Variants in SLC36A1 observed in about 807,000 individuals in gnomAD.
SLC36A1 encodes the protein solute carrier family 36 member 1, also known as proton-coupled amino acid transporter 1.
Under a neutral mutation model 47.5 loss-of-function variants are expected in SLC36A1, and 30 were observed. That is an observed-to-expected ratio of 0.63 (90% CI 0.47 to 0.86). The LOEUF is 0.86. SLC36A1 is among the 40% of genes least tolerant of loss of function. The pLI, the probability that SLC36A1 is intolerant of heterozygous loss-of-function variation, is 0.00. For synonymous variants in SLC36A1, 255 were observed against 249.7 expected (o/e 1.02, Z -0.20); for missense variants, 517 against 606.0 (o/e 0.85, Z 1.54).
the SLC36A1 span, chr5:151,419,774 A>G: frequency 6.6e-6 from 1 of 152,226 alleles, no homozygotes; most frequent in Non-Finnish European, 1.5e-5. Context: ...TGAAAGTATT[A>G]AAATTAATTA....
chr5:151,396,534 G>A, the SLC36A1 span, among the ~76,000 whole-genome samples: 5 of 152,066 alleles, frequency 3.3e-5, no homozygotes, highest in Non-Finnish European at 7.3e-5. Context: ...TAGGGCCATT[G>A]ACTTACAGTA....
chr5:151,435,729 A>G (rs1333920685), upstream of SLC36A1, among the ~76,000 whole-genome samples: 1 of 152,020 alleles, frequency 6.6e-6, no homozygotes, highest in East Asian at 1.9e-4. Flanking sequence ...ACAAAATAAA[A>G]TAAGGGAAAA....
chr5:151,401,633 CTT>C, the SLC36A1 span, among the ~76,000 whole-genome samples: 1 of 151,704 alleles, frequency 6.6e-6, no homozygotes, highest in African/African-American at 2.4e-5. Context: ...CATCTTGACT[CTT>C]TAAATCTGTG....
the SLC36A1 span, among the ~76,000 whole-genome samples, chr5:151,426,797 C>A: frequency 6.6e-6 from 1 of 152,178 alleles, no homozygotes; most frequent in African/African-American, 2.4e-5. Flanking sequence ...TGGGGAGAAA[C>A]CTTGGACCAT....
the SLC36A1 span, among the ~76,000 whole-genome samples, chr5:151,382,646 G>C: frequency 6.6e-6 from 1 of 152,174 alleles, no homozygotes; most frequent in Non-Finnish European, 1.5e-5. Flanking sequence ...GCTTGAGCCT[G>C]TGTTAAAGAA....
the SLC36A1 span, among the ~76,000 whole-genome samples, chr5:151,503,180 T>C: frequency 6.8e-6 from 1 of 147,798 alleles, no homozygotes; most frequent in Non-Finnish European, 1.5e-5. Flanking sequence ...TCCAAACCCA[T>C]AGAATGTGCA....
At chr5:151,456,535 T>G (rs1754542095) in intron 1 of SLC36A1, among the ~76,000 whole-genome samples, 1 of 152,190 alleles carries the variant, frequency 6.6e-6, no homozygotes. Flanking sequence ...ATGCTGGTAT[T>G]AAGATACTTC....
the SLC36A1 span, among the ~76,000 whole-genome samples, chr5:151,423,153 A>G: frequency 6.6e-6 from 1 of 152,254 alleles, no homozygotes; most frequent in Non-Finnish European, 1.5e-5. Flanking sequence ...GTGAGAATGT[A>G]AAGCAGCAGG....
chr5:151,512,505 G>A, the SLC36A1 span: 1 of 1,614,176 alleles, frequency 6.2e-7, no homozygotes, highest in Non-Finnish European at 8.5e-7. The surrounding 1 kb of genome is among the most constrained non-coding windows in gnomAD (Gnocchi z 4.1). Flanking sequence ...CCTCCACCAG[G>A]ATGGAGTGCC....
chr5:151,473,860 T>C, intron 8 of SLC36A1, 89 bp downstream of exon 8: 1 of 1,052,276 alleles, frequency 9.5e-7, no homozygotes, highest in Non-Finnish European at 1.5e-6. Flanking sequence ...GGAAACATTG[T>C]TAGAAAGTAT....
the SLC36A1 span, among the ~76,000 whole-genome samples, chr5:151,399,380 A>G: frequency 4.6e-5 from 7 of 151,948 alleles, no homozygotes; most frequent in Non-Finnish European, 1.0e-4. Flanking sequence ...AGCCACCGTA[A>G]TGTACATATA....
the SLC36A1 span, among the ~76,000 whole-genome samples, chr5:151,514,435 C>G: frequency 6.6e-6 from 1 of 152,066 alleles, no homozygotes; most frequent in African/African-American, 2.4e-5. Context: ...CTATCTCTTT[C>G]TTACTTCGTA....
the SLC36A1 span, chr5:151,521,469 C>T: frequency 6.2e-7 from 1 of 1,614,234 alleles, no homozygotes; most frequent in Non-Finnish European, 8.5e-7. Flanking sequence ...GCTCCATCTC[C>T]TTGGCTGAGT....
chr5:151,374,769 T>G, the SLC36A1 span, among the ~76,000 whole-genome samples: 1 of 152,240 alleles, frequency 6.6e-6, no homozygotes, highest in Non-Finnish European at 1.5e-5. Flanking sequence ...TAATAGCCAT[T>G]CTGACTGGTG....
the SLC36A1 span, among the ~76,000 whole-genome samples, chr5:151,352,831 A>C: frequency 1.3e-5 from 2 of 152,238 alleles, no homozygotes; most frequent in Non-Finnish European, 2.9e-5. Context: ...GAGATTAAAC[A>C]TAAGGATAAT....
At chr5:151,521,604 C>G in the SLC36A1 span, 3 of 1,614,168 alleles carry the variant, frequency 1.9e-6, no homozygotes, top group Non-Finnish European at 2.5e-6. Context: ...GAATGTTAGC[C>G]CGTTTGATGT....
At chr5:151,531,836 G>C in the SLC36A1 span, 2 of 1,613,854 alleles carry the variant, frequency 1.2e-6, no homozygotes, top group Non-Finnish European at 1.7e-6. The surrounding 1 kb of genome is among the most constrained non-coding windows in gnomAD (Gnocchi z 5.7). Context: ...TCAGAGGCAC[G>C]GACCGTGAGC....
intron 1 of SLC36A1, among the ~76,000 whole-genome samples, chr5:151,449,384 A>G (rs573102821): frequency 1.3e-5 from 2 of 152,220 alleles, no homozygotes; most frequent in African/African-American, 4.8e-5. Flanking sequence ...GTCAAGTGGA[A>G]AGGGACAAAC....
intron 5 of SLC36A1, among the ~76,000 whole-genome samples, chr5:151,466,518 A>G (rs1192184327): frequency 6.7e-6 from 1 of 150,216 alleles, no homozygotes; most frequent in Non-Finnish European, 1.5e-5. Context: ...AGAACGGTCT[A>G]TAATTTAATC....
Sources: gnomAD v4.1 joint callset for allele counts (sites outside exome capture counted in the v4.1 genomes callset) on GRCh38, gnomAD v4.1.1 for gene constraint, Gnocchi (gnomAD v3.1) non-coding constraint, MANE v1.5 for transcripts, NCBI Gene and HGNC (gene_info 2026-07-23, HGNC 2026-07-21) for gene names.